HERC2: variants seen among roughly 807,000 people sequenced by gnomAD.
The protein encoded by HERC2 is HECT and RLD domain containing E3 ubiquitin protein ligase 2.
HERC2 carries 102 observed loss-of-function variants against 537.7 expected under a neutral mutation model. The observed-to-expected ratio is 0.19, with a 90% CI of 0.16 to 0.22. The LOEUF (loss-of-function observed/expected upper bound fraction) is 0.22. HERC2 is among the 10% of genes least tolerant of loss of function. The pLI is 1.00. For synonymous variants in HERC2, 2,224 were observed against 2,466.2 expected (o/e 0.90, Z 2.91); for missense variants, 4,236 against 6,198.2 (o/e 0.68, Z 10.63).
intron 86 of HERC2, 176 bp from the exon 87 acceptor site, chr15:28,117,330 G>T: frequency 1.4e-6 from 1 of 728,756 alleles, no homozygotes. Flanking sequence ...GCGCTCGACT[G>T]TGGACACCCG....
intron 2 of HERC2, among the ~76,000 whole-genome samples, chr15:28,318,992 G>A (rs1596477316): frequency 6.6e-6 from 1 of 150,640 alleles, no homozygotes; most frequent in African/African-American, 2.4e-5. Context: ...GCAGTGAAGC[G>A]CTTCCCACTC....
chr15:28,177,436 A>G lies in HERC2; in HGVS notation c.9237T>C (p.Leu3079=). ...ACCCTTACATTCTGCTGAAGTGTCC[A>G]AGTTTTCCATCGTCACCTTCGCCCC... ...FSWGEGDDGK[L]GHFSRMNCDK... Residue 3079 remains leucine, a synonymous_variant, in exon 60 of 93, where the codon CTT becomes CTC. Coordinates refer to ENST00000261609, the MANE Select transcript of HERC2 (RefSeq NM_004667.6). This position sits in a 1 kb window ranked among gnomAD's most constrained non-coding sequence, Gnocchi z 5.0. The G allele has an allele frequency of 6.2e-7, 1 of 1,614,232 alleles. No homozygotes were observed. Among genetic ancestry groups the G allele is most frequent in the Non-Finnish European group, 8.5e-7 (1 of 1,180,022 alleles).
At chr15:28,171,902 G>A (rs748962242) in intron 65 of HERC2, among the ~76,000 whole-genome samples, 3 of 151,896 alleles carry the variant, frequency 2.0e-5, no homozygotes, top group Non-Finnish European at 2.9e-5. Context: ...GTGAAACCCC[G>A]TCTCTACTAA....
chr15:28,239,595 G>A (rs1405528200), intron 23 of HERC2, among the ~76,000 whole-genome samples: 2 of 145,572 alleles, frequency 1.4e-5, no homozygotes, highest in African/African-American at 2.6e-5. Context: ...AACTAAAGCG[G>A]GGAGCCACCG....
chr15:28,153,128 C>T (rs560441307), intron 69 of HERC2, among the ~76,000 whole-genome samples: 8 of 152,288 alleles, frequency 5.3e-5, no homozygotes, highest in African/African-American at 1.2e-4. Flanking sequence ...CCGAGGCAAG[C>T]GGATCACCTG....
chr15:28,170,424 C>T (rs780889088), intron 65 of HERC2, among the ~76,000 whole-genome samples: 1 of 152,204 alleles, frequency 6.6e-6, no homozygotes, highest in Non-Finnish European at 1.5e-5. Context: ...GCAGGACAGC[C>T]TTTCGGCATA....
chr15:28,188,923 A>G (rs1203447139), intron 55 of HERC2, among the ~76,000 whole-genome samples: 1 of 152,114 alleles, frequency 6.6e-6, no homozygotes, highest in East Asian at 1.9e-4. Context: ...CCCCGTCTCT[A>G]TTAAAAATAC....
intron 2 of HERC2, among the ~76,000 whole-genome samples, chr15:28,310,538 C>T (rs141837923): frequency 6.6e-6 from 1 of 152,132 alleles, no homozygotes; most frequent in East Asian, 1.9e-4. Flanking sequence ...TGAAGTTTAA[C>T]TAGTGAATGG....
chr15:28,154,783 T>C (rs1045378754), intron 69 of HERC2, among the ~76,000 whole-genome samples: 1 of 152,170 alleles, frequency 6.6e-6, no homozygotes, highest in Non-Finnish European at 1.5e-5. Flanking sequence ...TTTTTTATTA[T>C]ACTTTAAGTT....
intron 20 of HERC2, among the ~76,000 whole-genome samples, chr15:28,252,846 T>A (rs1476377404): frequency 6.6e-6 from 1 of 152,250 alleles, no homozygotes; most frequent in East Asian, 1.9e-4. Flanking sequence ...TTTCAAAATT[T>A]CACTGTGCGT....
intron 5 of HERC2, among the ~76,000 whole-genome samples, chr15:28,278,697 G>A (rs1005425790): frequency 1.3e-5 from 2 of 152,146 alleles, no homozygotes; most frequent in African/African-American, 2.4e-5. Flanking sequence ...TGTCTCTGGG[G>A]AGCAAGACGA....
Position 28,121,341 on chromosome 15 carries a change from G to A in HERC2, c.13272+5C>T, listed in dbSNP as rs780539733. On this transcript the variant is annotated splice_donor_5th_base_variant and intron_variant, in intron 86 of 92. Coordinates refer to ENST00000261609, the MANE Select transcript of HERC2 (RefSeq NM_004667.6). ...CAGACTTGGAGAGTAATCTCCATGT[G>A]CTACCTGGATGCGGTTCAGCTCCAC... is the stretch of plus-strand genomic sequence containing the variant. The A allele has an allele frequency of 2.4e-5, 39 of 1,611,534 alleles. No individual in the cohort carries two copies. Among genetic ancestry groups the A allele is most frequent in the Admixed American group, 3.3e-5 (2 of 60,002 alleles).
chr15:28,207,444 CTCTT>C (rs1396210554), intron 44 of HERC2, among the ~76,000 whole-genome samples: 1 of 152,178 alleles, frequency 6.6e-6, no homozygotes, highest in Non-Finnish European at 1.5e-5. Flanking sequence ...CCTACACACT[CTCTT>C]TCGTGTTCAC....
intron 2 of HERC2, among the ~76,000 whole-genome samples, chr15:28,299,951 G>T (rs1253242694): frequency 1.3e-5 from 2 of 151,560 alleles, no homozygotes; most frequent in African/African-American, 4.8e-5. Context: ...TACTCACGAA[G>T]CTGAGGCAGG....
Position 28,287,740 on chromosome 15 carries a change from G to GTTTTTTTTTTTTTT in HERC2, c.322+5147_322+5148insAAAAAAAAAAAAAA, listed in dbSNP as rs1461307820. ...TCCTCTTTTTTTTTTTTTTTTTTTG[G>GTTTTTTTTTTTTTT]TTTGAGATGGAGTCTCACCCTGTCA... On this transcript the variant is annotated intron_variant, in intron 4 of 92. Transcript: ENST00000261609. Among the ~76,000 whole-genome samples, 42 of 141,050 alleles carry GTTTTTTTTTTTTTT rather than the reference G, an allele frequency of 3.0e-4. 2 individuals carry two copies. The highest frequency in any genetic ancestry group is 4.8e-4 in the Non-Finnish European group (32 of 66,826). 92.5% of individuals were successfully genotyped at this position (141,050 alleles called of 152,430 possible).
intron 86 of HERC2, 98 bp from the exon 87 acceptor site, chr15:28,117,252 C>T: frequency 1.7e-6 from 2 of 1,183,468 alleles, no homozygotes; most frequent in South Asian, 1.2e-5. Context: ...GGAGGAGGCA[C>T]CGTGCATGGG....
In HERC2 at chr15:28,169,379, T is replaced by C. The variant is rs149104014; in HGVS notation, c.10229+105A>G. ...TACAACATACAGCATTTAAAGACAA[T>C]AATACAACATTCTTGGAGACATCTG... is the stretch of plus-strand genomic sequence containing the variant. On this transcript the variant is annotated intron_variant, in intron 66 of 92. Transcript: ENST00000261609. 261 of 797,040 alleles carry C rather than the reference T, an allele frequency of 3.3e-4. 1 individual carries two copies. Among genetic ancestry groups the C allele is most frequent in the Non-Finnish European group, 2.6e-5 (13 of 502,926 alleles). 49.4% of individuals were successfully genotyped at this position (797,040 alleles called of 1,614,324 possible).
In HERC2 at chr15:28,214,109, G is replaced by A; in HGVS notation, c.6522C>T (p.Ile2174=). The A allele has an allele frequency of 6.2e-7, 1 of 1,614,216 alleles. No individual in the cohort carries two copies. Among genetic ancestry groups the A allele is most frequent in the Non-Finnish European group, 8.5e-7 (1 of 1,180,010 alleles). Residue 2174 remains isoleucine, a synonymous_variant, in exon 41 of 93, where the codon ATC becomes ATT. Transcript: ENST00000261609. Reference sequence around the variant, plus strand: ...AAGGCCTTCCCACAAAGCTGTGGGTGATGGAGCGGAGCTGGGAGTTGATGT... The same window carrying A: ...AAGGCCTTCCCACAAAGCTGTGGGTAATGGAGCGGAGCTGGGAGTTGATGT... ...NKYINSQLRS[I]THSFVGRPSE...
At chr15:28,236,642 C>T (rs1160968892) in intron 26 of HERC2, among the ~76,000 whole-genome samples, 2 of 151,952 alleles carry the variant, frequency 1.3e-5, no homozygotes, top group Non-Finnish European at 2.9e-5. Flanking sequence ...GGCTGGAGTG[C>T]AGTGGTATGA....
Sources: allele counts gnomAD v4.1 joint callset (sites outside exome capture counted in the v4.1 genomes callset), GRCh38; gene constraint gnomAD v4.1.1; non-coding constraint Gnocchi (gnomAD v3.1); transcripts MANE v1.5; gene names NCBI Gene and HGNC (gene_info 2026-07-23, HGNC 2026-07-21).